DENND2B: variants seen among roughly 807,000 people sequenced by gnomAD.
DENND2B encodes DENN domain-containing protein 2B.
A neutral mutation model predicts 116.0 loss-of-function variants in DENND2B; 32 were observed. That is an observed-to-expected ratio of 0.28 (90% CI 0.21 to 0.37). The LOEUF is 0.37. DENND2B is among the 10% of genes least tolerant of loss of function. The pLI is 1.00. For missense variants in DENND2B, 1,276 were observed against 1,477.7 expected, an observed-to-expected ratio of 0.86 and a Z score of 2.24; for synonymous variants, 588 against 583.9, an observed-to-expected ratio of 1.01 and a Z score of -0.10.
At chr11:8,831,656 G>A (rs575216969) in intron 4 of DENND2B, 8 of 152,268 alleles carry the variant, frequency 5.3e-5, no homozygotes, top group African/African-American at 9.6e-5. Context: ...GAGCCCAGGA[G>A]TTCAAGAGCA....
chr11:8,711,884 T>A (rs1016251346), intron 9 of DENND2B: 6 of 387,252 alleles, frequency 1.5e-5, no homozygotes, highest in African/African-American at 4.3e-5. Context: ...AAAAATAAAA[T>A]AATAAGCAGG....
intron 1 of DENND2B, among the ~76,000 whole-genome samples, chr11:8,779,407 A>T (rs1224485324): frequency 6.6e-6 from 1 of 152,206 alleles, no homozygotes; most frequent in African/African-American, 2.4e-5. Flanking sequence ...TGGTAAAAAC[A>T]GAACCCTCCC....
At chr11:8,814,708 T>A, upstream of DENND2B, among the ~76,000 whole-genome samples, 1 of 152,212 alleles carries the variant, frequency 6.6e-6, no homozygotes, top group East Asian at 1.9e-4. Context: ...TCAGAAGAGT[T>A]CCTTAGGATA....
At chr11:8,710,784 CA>C (rs1592527003) in intron 11 of DENND2B, 60 bp downstream of exon 11, 29 of 1,475,946 alleles carry the variant, frequency 2.0e-5, no homozygotes, top group Non-Finnish European at 2.4e-5. Flanking sequence ...CACACACACA[CA>C]CACACACACC....
chr11:8,807,983 G>T (rs573024270), intron 1 of DENND2B: 1 of 152,156 alleles, frequency 6.6e-6, no homozygotes, highest in Non-Finnish European at 1.5e-5. Flanking sequence ...TCGACTCAAT[G>T]AGGACAGACC....
intron 1 of DENND2B, among the ~76,000 whole-genome samples, chr11:8,885,013 T>A (rs2134733368): frequency 6.6e-6 from 1 of 152,340 alleles, no homozygotes; most frequent in Non-Finnish European, 1.5e-5. Context: ...ACTCTGGATA[T>A]TTGCTCATTC....
At chr11:8,757,003 A>C in intron 1 of DENND2B, 1 of 456,206 alleles carries the variant, frequency 2.2e-6, no homozygotes, top group Non-Finnish European at 4.4e-6. Context: ...ATAGACAACT[A>C]TCTGAAGAGT....
chr11:8,839,055 G>A (rs2062532087), intron 4 of DENND2B, among the ~76,000 whole-genome samples: 1 of 152,180 alleles, frequency 6.6e-6, no homozygotes, highest in African/African-American at 2.4e-5. Flanking sequence ...ACTTTCCAGT[G>A]AAGAAAAAAG....
chr11:8,862,383 T>C (rs979433134), intron 2 of DENND2B, among the ~76,000 whole-genome samples: 2 of 140,454 alleles, frequency 1.4e-5, no homozygotes, highest in African/African-American at 5.3e-5. Flanking sequence ...AGGCTGGAGG[T>C]CAGTGCCACA....
chr11:8,845,301 G>C (rs919770951), intron 3 of DENND2B: 4 of 152,188 alleles, frequency 2.6e-5, no homozygotes, highest in African/African-American at 9.7e-5. Flanking sequence ...CATCTCGTCT[G>C]ATCTCAAAAG....
intron 1 of DENND2B, among the ~76,000 whole-genome samples, chr11:8,789,047 C>T (rs939147867): frequency 3.9e-5 from 6 of 152,138 alleles, no homozygotes; most frequent in African/African-American, 1.2e-4. Context: ...GTAAGCACAC[C>T]TAAAAATTGC....
intron 8 of DENND2B, 39 bp downstream of exon 8, chr11:8,713,959 G>A (rs1194613288): frequency 6.2e-7 from 1 of 1,611,112 alleles, no homozygotes; most frequent in South Asian, 1.1e-5. Flanking sequence ...CTGCAGCCCT[G>A]CTGGGAGAGC....
rs760716790 is a variant in DENND2B at position 8,715,612 on chromosome 11, G to A, written c.1836C>T (p.Arg612=). 8 of 1,612,508 alleles carry A rather than the reference G, an allele frequency of 5.0e-6. No individual in the cohort carries two copies. Among genetic ancestry groups the A allele is most frequent in the Non-Finnish European group, 5.9e-6 (7 of 1,178,976 alleles). ...SELLSSRRAR[R]IPKLVQRINS... is the part of the protein sequence containing the mutation. ...CCTCTGGGGAGGGTACCTTGGGAATGCGGCGGGCCCGGCGGCTGGACAGCA... is the reference window on the plus strand; with the variant it reads ...CCTCTGGGGAGGGTACCTTGGGAATACGGCGGGCCCGGCGGCTGGACAGCA... Residue 612 remains arginine (R), a synonymous_variant, in exon 6 of 20, where the codon CGC becomes CGT. Coordinates refer to ENST00000313726, the MANE Select transcript of DENND2B (RefSeq NM_213618.2).
At chr11:8,826,065 G>C (rs528680445) in intron 4 of DENND2B, among the ~76,000 whole-genome samples, 2 of 152,310 alleles carry the variant, frequency 1.3e-5, no homozygotes, top group African/African-American at 4.8e-5. Flanking sequence ...TAACACGTCT[G>C]ATTCATGAGG....
intron 19 of DENND2B, 131 bp from the exon 20 acceptor site, chr11:8,694,261 CT>C (rs2039914985): frequency 1.8e-6 from 2 of 1,096,960 alleles, no homozygotes; most frequent in Non-Finnish European, 2.7e-6. Context: ...TAACTGTGAT[CT>C]GATCCAGGGT....
chr11:8,842,067 T>G (rs2134618779), intron 3 of DENND2B, among the ~76,000 whole-genome samples: 1 of 152,290 alleles, frequency 6.6e-6, no homozygotes, highest in South Asian at 2.1e-4. Context: ...GTGATTTACA[T>G]AATTTCTCTG....
chr11:8,800,116 G>A (rs1023040549), intron 1 of DENND2B, among the ~76,000 whole-genome samples: 4 of 151,872 alleles, frequency 2.6e-5, no homozygotes, highest in African/African-American at 7.3e-5. Flanking sequence ...ACCATGCTTG[G>A]TTAATTTCAT....
chr11:8,790,426 C>T (rs2059284872), intron 1 of DENND2B, among the ~76,000 whole-genome samples: 1 of 152,138 alleles, frequency 6.6e-6, no homozygotes, highest in African/African-American at 2.4e-5. Flanking sequence ...CGAATGTATG[C>T]TGATTGGAAG....
intron 1 of DENND2B, among the ~76,000 whole-genome samples, chr11:8,753,161 T>A (rs1232118114): frequency 2.0e-5 from 3 of 152,052 alleles, no homozygotes; most frequent in Non-Finnish European, 2.9e-5. Context: ...AACTTGAACC[T>A]GGGAGGCAGA....
Sources: gnomAD v4.1 joint callset for allele counts (sites outside exome capture counted in the v4.1 genomes callset) on GRCh38, gnomAD v4.1.1 for gene constraint, MANE v1.5 for transcripts, NCBI Gene and HGNC (gene_info 2026-07-23, HGNC 2026-07-21) for gene names.